The following PDE4D variants were observed in gnomAD, a reference collection of about 807,000 sequenced individuals.
The protein encoded by PDE4D is 3',5'-cyclic-AMP phosphodiesterase 4D.
PDE4D carries 24 observed loss-of-function variants against 87.4 expected under a neutral mutation model. The ratio of observed to expected loss-of-function variants is 0.27; its 90% confidence interval spans 0.20 to 0.39. The LOEUF is 0.39. Among genes scored for constraint, PDE4D ranks in the 10% least tolerant of loss-of-function variants. PDE4D has a pLI of 1.00. For missense variants in PDE4D, 714 were observed against 1,041.0 expected, an observed-to-expected ratio of 0.69 and a Z score of 4.32; for synonymous variants, 384 against 383.2, an observed-to-expected ratio of 1.00 and a Z score of -0.02.
intron 1 of PDE4D, among the ~76,000 whole-genome samples, chr5:60,308,871 C>A (rs944330698): frequency 3.3e-5 from 5 of 152,106 alleles, no homozygotes; most frequent in Non-Finnish European, 5.9e-5. Flanking sequence ...ACTTGCCCCC[C>A]GCCCACCACC....
intron 6 of PDE4D, among the ~76,000 whole-genome samples, chr5:59,021,174 C>T (rs183409218): frequency 5.6e-4 from 85 of 152,230 alleles, no homozygotes; most frequent in African/African-American, 1.7e-3. Context: ...GAAGTGAAGA[C>T]CTACAGGAGA....
intron 1 of PDE4D, among the ~76,000 whole-genome samples, chr5:60,315,661 G>A (rs768718790): frequency 6.6e-6 from 1 of 152,166 alleles, no homozygotes; most frequent in Non-Finnish European, 1.5e-5. Context: ...ATTAATTTTA[G>A]TATAAGGTGC....
At position 60,098,022 on chromosome 5, in the gene PDE4D, T is replaced by C. The variant is rs138689892; in HGVS notation, c.42+87535A>G. Among the ~76,000 whole-genome samples the C allele has an allele frequency of 4.7e-3, 721 of 152,094 alleles. 1 individual carries two copies. The highest frequency in any genetic ancestry group is 8.1e-3 in the Non-Finnish European group (553 of 67,872). Reference sequence around the variant, plus strand: ...GAATCTATCTCCAGCACCCAGTATCTGATGAATGTCTGTTACCCTCATCTA... The same window carrying C: ...GAATCTATCTCCAGCACCCAGTATCCGATGAATGTCTGTTACCCTCATCTA... On this transcript the variant is annotated intron_variant, in intron 2 of 16. Transcript: ENST00000502484.
chr5:59,527,569 T>C (rs1252768698), intron 1 of PDE4D, among the ~76,000 whole-genome samples: 1 of 152,228 alleles, frequency 6.6e-6, no homozygotes, highest in East Asian at 1.9e-4. Flanking sequence ...CTATTCTTAT[T>C]TCTTCAAAAA....
chr5:59,672,574 A>G (rs1394277031), intron 1 of PDE4D, among the ~76,000 whole-genome samples: 1 of 152,170 alleles, frequency 6.6e-6, no homozygotes, highest in Non-Finnish European at 1.5e-5. Context: ...CCTAAGAAAC[A>G]TGGTCATTAG....
chr5:59,502,401 A>G (rs568060483), intron 1 of PDE4D, among the ~76,000 whole-genome samples: 1 of 152,210 alleles, frequency 6.6e-6, no homozygotes, highest in East Asian at 1.9e-4. Context: ...CCTCCAACCA[A>G]TGGAGGTATT....
intron 1 of PDE4D, among the ~76,000 whole-genome samples, chr5:60,470,288 A>G (rs1747716417): frequency 6.6e-6 from 1 of 152,206 alleles, no homozygotes; most frequent in South Asian, 2.1e-4. Flanking sequence ...AAGCTAACAG[A>G]GATTGATTCA....
At chr5:59,956,501 C>T (rs1033390781) in intron 3 of PDE4D, among the ~76,000 whole-genome samples, 1 of 152,134 alleles carries the variant, frequency 6.6e-6, no homozygotes, top group Non-Finnish European at 1.5e-5. Flanking sequence ...ATAGTATGGG[C>T]TTTACACAGA....
chr5:60,487,369 C>G (rs1214356369), intron 1 of PDE4D, among the ~76,000 whole-genome samples: 1 of 152,158 alleles, frequency 6.6e-6, no homozygotes, highest in Non-Finnish European at 1.5e-5. Context: ...TAAACAGAAC[C>G]ACTGAAGAGC....
At chr5:59,776,989 G>A (rs1006933235) in intron 1 of PDE4D, among the ~76,000 whole-genome samples, 3 of 152,186 alleles carry the variant, frequency 2.0e-5, no homozygotes, top group Non-Finnish European at 2.9e-5. Flanking sequence ...ATGTAGACTC[G>A]CCTGGCTCTA....
chr5:59,897,610 C>G (rs937022471), upstream of PDE4D, among the ~76,000 whole-genome samples: 1 of 151,834 alleles, frequency 6.6e-6, no homozygotes, highest in Non-Finnish European at 1.5e-5. Context: ...CAGCATCCCA[C>G]CCCCCGACAG....
chr5:59,071,981 G>A (rs1327433330), intron 5 of PDE4D, among the ~76,000 whole-genome samples: 5 of 151,980 alleles, frequency 3.3e-5, no homozygotes, highest in African/African-American at 7.2e-5. Flanking sequence ...GAGCCACCGC[G>A]CCCGGCCAAC....
intron 1 of PDE4D, among the ~76,000 whole-genome samples, chr5:59,627,540 C>A (rs1831038277): frequency 6.6e-6 from 1 of 152,150 alleles, no homozygotes; most frequent in African/African-American, 2.4e-5. Context: ...CTTCACCCCA[C>A]CCCAAAGCCT....
At chr5:60,217,335 G>C (rs551044233) in intron 1 of PDE4D, among the ~76,000 whole-genome samples, 7 of 151,910 alleles carry the variant, frequency 4.6e-5, no homozygotes, top group Non-Finnish European at 1.0e-4. Context: ...GATGGGTAAT[G>C]ATTATGGTTT....
At chr5:59,589,236 T>G (rs1825599815) in intron 1 of PDE4D, among the ~76,000 whole-genome samples, 3 of 152,216 alleles carry the variant, frequency 2.0e-5, no homozygotes, top group Non-Finnish European at 4.4e-5. Flanking sequence ...ACCTCTGTAA[T>G]CATAATAATA....
intron 2 of PDE4D, among the ~76,000 whole-genome samples, chr5:60,079,875 A>G (rs1487818707): frequency 6.6e-6 from 1 of 152,202 alleles, no homozygotes; most frequent in Non-Finnish European, 1.5e-5. Flanking sequence ...ATTTGAATCC[A>G]TATGAAACTT....
intron 1 of PDE4D, among the ~76,000 whole-genome samples, chr5:59,713,983 C>G (rs946938755): frequency 6.6e-6 from 1 of 152,092 alleles, no homozygotes; most frequent in African/African-American, 2.4e-5. Flanking sequence ...AGGTGGGGTG[C>G]CTGAAGGCCT....
chr5:60,456,843 A>C (rs1017802354), intron 1 of PDE4D, among the ~76,000 whole-genome samples: 1 of 152,136 alleles, frequency 6.6e-6, no homozygotes, highest in Non-Finnish European at 1.5e-5. Context: ...GGAACACAAG[A>C]AGATCCACTT....
At chr5:59,964,382 A>G (rs768201696) in intron 3 of PDE4D, among the ~76,000 whole-genome samples, 10 of 152,174 alleles carry the variant, frequency 6.6e-5, no homozygotes, top group Non-Finnish European at 1.3e-4. Context: ...CTTCCGCACC[A>G]TATGATTTTT....
Sources: gnomAD v4.1 joint callset for allele counts (sites outside exome capture counted in the v4.1 genomes callset) on GRCh38, gnomAD v4.1.1 for gene constraint, MANE v1.5 for transcripts, NCBI Gene and HGNC (gene_info 2026-07-23, HGNC 2026-07-21) for gene names.